DNAH14: variants seen among roughly 807,000 people sequenced by gnomAD.
DNAH14 encodes the protein axonemal beta dynein heavy chain 14.
A neutral mutation model predicts 520.9 loss-of-function variants in DNAH14; 478 were observed. That is an observed-to-expected ratio of 0.92 (90% CI 0.85 to 0.99). The LOEUF is 0.99. Among genes scored for constraint, DNAH14 ranks in the 50% least tolerant of loss-of-function variants. The pLI, the probability that DNAH14 is intolerant of heterozygous loss-of-function variation, is 0.00. For synonymous variants in DNAH14, 1,581 were observed against 1,757.2 expected, an observed-to-expected ratio of 0.90 and a Z score of 2.51; for missense variants, 4,831 against 5,234.5, an observed-to-expected ratio of 0.92 and a Z score of 2.38.
intron 8 of DNAH14, among the ~76,000 whole-genome samples, chr1:224,986,318 T>TAAAA (rs59261709): frequency 2.3e-4 from 20 of 87,700 alleles, no homozygotes; most frequent in East Asian, 6.4e-4. Context: ...AAAGGCTTAT[T>TAAAA]AAAAAAAAAA....
chr1:224,937,080 G>A (rs2059091486), intron 1 of DNAH14, among the ~76,000 whole-genome samples: 1 of 151,776 alleles, frequency 6.6e-6, no homozygotes, highest in African/African-American at 2.4e-5. Context: ...AAATAATAAA[G>A]GCCATATATG....
At chr1:225,087,581 C>A (rs758709670) in intron 21 of DNAH14, among the ~76,000 whole-genome samples, 6 of 152,184 alleles carry the variant, frequency 3.9e-5, no homozygotes, top group Non-Finnish European at 8.8e-5. Context: ...ACAAGGTAAG[C>A]CCTGTGATTC....
intron 31 of DNAH14, among the ~76,000 whole-genome samples, chr1:225,150,079 A>G (rs2080334649): frequency 6.6e-6 from 1 of 152,162 alleles, no homozygotes; most frequent in African/African-American, 2.4e-5. Flanking sequence ...TTCCTTCAAT[A>G]CCTAGTTTAT....
Position 225,371,631 on chromosome 1 carries a change from T to G in DNAH14, c.12319-3057T>G, listed in dbSNP as rs975760134. On this transcript the variant is annotated intron_variant, in intron 77 of 85. Transcript: ENST00000682510. ...TTAACATTGTAAAAAGAGAAAAAAC[T>G]TTTTGTTGATTATATAATTGTACGT... Among the ~76,000 whole-genome samples the G allele has an allele frequency of 8.5e-5, 13 of 152,112 alleles. No homozygotes were observed. The East Asian group carries it at 2.3e-3, about 27-fold the overall frequency.
intron 42 of DNAH14, among the ~76,000 whole-genome samples, chr1:225,240,383 T>C (rs959379089): frequency 6.6e-6 from 1 of 151,508 alleles, no homozygotes; most frequent in Admixed American, 6.6e-5. Flanking sequence ...GTTTTATACA[T>C]ATGGTACTTT....
intron 1 of DNAH14, among the ~76,000 whole-genome samples, chr1:224,950,653 G>A (rs1163752431): frequency 6.6e-6 from 1 of 152,116 alleles, no homozygotes; most frequent in African/African-American, 2.4e-5. Flanking sequence ...GCTGAGGTTG[G>A]GGTTAGCATA....
chr1:225,131,755 G>A (rs2078447294), intron 27 of DNAH14, among the ~76,000 whole-genome samples: 1 of 152,146 alleles, frequency 6.6e-6, no homozygotes, highest in Non-Finnish European at 1.5e-5. Context: ...TCATAAGAGA[G>A]AGGGAAAACT....
chr1:224,965,269 C>A (rs2061091975), intron 5 of DNAH14, among the ~76,000 whole-genome samples: 1 of 152,062 alleles, frequency 6.6e-6, no homozygotes, highest in Admixed American at 6.6e-5. Context: ...ACTGGAATCA[C>A]CTTAGAACTT....
intron 42 of DNAH14, among the ~76,000 whole-genome samples, chr1:225,235,368 A>G (rs1210581491): frequency 1.3e-5 from 2 of 152,192 alleles, no homozygotes; most frequent in Non-Finnish European, 2.9e-5. Context: ...TTTTGAACCA[A>G]CCTTACATCC....
chr1:225,089,464 A>AAAAAAAAGAG (rs775049047), intron 21 of DNAH14, among the ~76,000 whole-genome samples: 1 of 138,406 alleles, frequency 7.2e-6, no homozygotes, highest in Non-Finnish European at 1.6e-5. Flanking sequence ...AAAAAAAAAA[A>AAAAAAAAGAG]AGAGAGCGAG....
intron 36 of DNAH14, among the ~76,000 whole-genome samples, chr1:225,168,377 G>A (rs1184723474): frequency 6.6e-6 from 1 of 152,206 alleles, no homozygotes; most frequent in Non-Finnish European, 1.5e-5. Flanking sequence ...GAAGCACAAG[G>A]GGTCAGGGAA....
intron 8 of DNAH14, among the ~76,000 whole-genome samples, chr1:224,999,300 G>A (rs148543574): frequency 7.1e-4 from 108 of 151,992 alleles, no homozygotes; most frequent in African/African-American, 2.2e-3. Flanking sequence ...TCCGCCTCCC[G>A]GGTTCAAGCC....
chr1:225,382,884 G>A (rs1189060991), intron 81 of DNAH14, among the ~76,000 whole-genome samples: 1 of 152,200 alleles, frequency 6.6e-6, no homozygotes, highest in Non-Finnish European at 1.5e-5. Context: ...ATGAAGTACT[G>A]ATACAGGCTA....
intron 52 of DNAH14, among the ~76,000 whole-genome samples, chr1:225,275,434 A>AAATACC: frequency 6.6e-6 from 1 of 152,226 alleles, no homozygotes; most frequent in Non-Finnish European, 1.5e-5. Context: ...GGAGATGGTC[A>AAATACC]GACTTCAAAT....
chr1:225,376,917 C>G (rs886374399), intron 78 of DNAH14, among the ~76,000 whole-genome samples: 2 of 152,030 alleles, frequency 1.3e-5, no homozygotes, highest in South Asian at 2.1e-4. Flanking sequence ...TTTGTTCAAG[C>G]CTTATTGCAT....
At position 224,929,701 on chromosome 1, in the gene DNAH14, C is replaced by T. The variant is rs913400180; in HGVS notation, c.-168C>T. ...TCAGGCGGTTACGGCCAGGAGGCGT[C>T]GGAGCCTGGCGTGGTAGGGCTGTGC... On this transcript the variant is annotated 5_prime_UTR_variant, in exon 1 of 86. Coordinates refer to ENST00000682510, the MANE Select transcript of DNAH14 (RefSeq NM_001367479.1). The T allele has an allele frequency of 1.4e-6, 1 of 702,314 alleles. No homozygotes were observed. Among genetic ancestry groups the T allele is most frequent in the African/African-American group, 1.7e-5 (1 of 57,260 alleles). The allele number at this position is 702,314 out of a possible 1,614,324, so 43.5% of individuals were successfully genotyped here.
At chr1:225,172,772 T>C (rs918645837) in intron 36 of DNAH14, among the ~76,000 whole-genome samples, 5 of 152,188 alleles carry the variant, frequency 3.3e-5, no homozygotes, top group Non-Finnish European at 5.9e-5. Flanking sequence ...AAAATTCATA[T>C]GGAACCAAAA....
chr1:225,291,522 T>C (rs1273768644), intron 55 of DNAH14, among the ~76,000 whole-genome samples: 1 of 152,088 alleles, frequency 6.6e-6, no homozygotes, highest in East Asian at 1.9e-4. Context: ...GCTCAAGTGA[T>C]CCTCCCACCT....
intron 30 of DNAH14, among the ~76,000 whole-genome samples, chr1:225,145,936 A>G (rs1191193968): frequency 6.6e-6 from 1 of 152,220 alleles, no homozygotes; most frequent in Admixed American, 6.5e-5. Flanking sequence ...GTTAAGTCCA[A>G]ACATTCTACA....
Sources: allele counts gnomAD v4.1 joint callset (sites outside exome capture counted in the v4.1 genomes callset), GRCh38; gene constraint gnomAD v4.1.1; transcripts MANE v1.5; gene names NCBI Gene and HGNC (gene_info 2026-07-23, HGNC 2026-07-21).